Variants in DGKE observed in about 807,000 individuals in gnomAD.
DGKE encodes diacylglycerol kinase epsilon, also known as DAG kinase epsilon.
Under a neutral mutation model 70.0 loss-of-function variants are expected in DGKE, and 53 were observed. The ratio of observed to expected loss-of-function variants is 0.76; its 90% CI spans 0.61 to 0.95. The LOEUF is 0.95. Among genes scored for constraint, DGKE ranks in the 40% least tolerant of loss-of-function variants. DGKE has a pLI of 0.00. For missense variants in DGKE, 655 were observed against 706.9 expected (o/e 0.93, Z 0.83); for synonymous variants, 291 against 257.0 (o/e 1.13, Z -1.27).
rs557770879 is a variant in DGKE at position 56,848,077 on chromosome 17, T to C, written c.888+12T>C. The C allele has an allele frequency of 1.5e-5, 22 of 1,495,052 alleles. No individual in the cohort carries two copies. In the African/African-American group the frequency reaches 3.0e-4, roughly 20 times the overall value. The allele number at this position is 1,495,052 out of a possible 1,614,324, so 92.6% of individuals were successfully genotyped here. A position where few individuals can be genotyped will look rare whatever the true frequency, so the allele number is the denominator to read the frequency against. On this transcript the variant is annotated intron_variant, in intron 5 of 11. Coordinates refer to ENST00000284061, the MANE Select transcript of DGKE (RefSeq NM_003647.3). Reference sequence around the variant, plus strand: ...ACATGAAGATTAAGGTATTAGTCTTTAAGAACTACTACAGAAGGACTTCTA... The same window carrying C: ...ACATGAAGATTAAGGTATTAGTCTTCAAGAACTACTACAGAAGGACTTCTA...
At chr17:56,843,701 G>A (rs926474889) in intron 2 of DGKE, among the ~76,000 whole-genome samples, 1 of 149,070 alleles carries the variant, frequency 6.7e-6, no homozygotes, top group African/African-American at 2.5e-5. Flanking sequence ...TGGGAGACTA[G>A]GCAGAAGAAT....
At chr17:56,841,326 A>G (rs935111734) in intron 2 of DGKE, among the ~76,000 whole-genome samples, 1 of 152,134 alleles carries the variant, frequency 6.6e-6, no homozygotes, top group Non-Finnish European at 1.5e-5. Flanking sequence ...ATCTGTATAT[A>G]TATTTTTAAA....
chr17:56,836,535 T>C (rs771523034), intron 2 of DGKE: 1 of 152,250 alleles, frequency 6.6e-6, no homozygotes, highest in South Asian at 2.1e-4. Flanking sequence ...TGCAGAATTA[T>C]ATTAAAAATG....
chr17:56,856,423 AAG>A, intron 7 of DGKE, 87 bp from the exon 8 acceptor site: 1 of 1,397,904 alleles, frequency 7.2e-7, no homozygotes. Flanking sequence ...CCATTGTCAA[AAG>A]AACACAAAGA....
chr17:56,847,362 T>A (rs1419046088), intron 4 of DGKE: 3 of 135,240 alleles, frequency 2.2e-5, no homozygotes, highest in Non-Finnish European at 3.1e-5. Context: ...TGAGACAGAG[T>A]CTTGCTTTGT....
chr17:56,838,732 G>A (rs1434590114), intron 2 of DGKE: 1 of 151,754 alleles, frequency 6.6e-6, no homozygotes, highest in Non-Finnish European at 1.5e-5. Context: ...AAATTCATGA[G>A]GCATTCCATA....
intron 9 of DGKE, among the ~76,000 whole-genome samples, chr17:56,859,993 G>A (rs1480284160): frequency 1.3e-5 from 2 of 152,174 alleles, no homozygotes; most frequent in Non-Finnish European, 1.5e-5. Context: ...GTTAAAAAGA[G>A]TGTTATGTTA....
chr17:56,854,403 G>T (rs1907826110), intron 7 of DGKE, among the ~76,000 whole-genome samples: 1 of 151,838 alleles, frequency 6.6e-6, no homozygotes. Context: ...AGACCTCTAG[G>T]GCTCAAGTGA....
chr17:56,840,278 T>C (rs9905199), intron 2 of DGKE, among the ~76,000 whole-genome samples: 110,198 of 152,166 alleles, frequency 0.72, 40,152 homozygotes, highest in East Asian at 0.91. Context: ...TGAATCGTGT[T>C]AGGACAAGTG....
At position 56,863,801 on chromosome 17, in the gene DGKE, T is replaced by G. The variant is rs193057611; in HGVS notation, c.*1010T>G. Reference sequence around the variant, plus strand: ...CATATTTATTTTAAAATGAGAGAGATATATTTTTAAATTATTTATTATTTA... The same window carrying G: ...CATATTTATTTTAAAATGAGAGAGAGATATTTTTAAATTATTTATTATTTA... On this transcript the variant is annotated 3_prime_UTR_variant, in exon 12 of 12. Transcript: ENST00000284061. The G allele has an allele frequency of 2.6e-5, 4 of 152,212 alleles. No individual in the cohort carries two copies. The highest frequency in any genetic ancestry group is 4.8e-5 in the African/African-American group (2 of 41,470). 9.4% of individuals were successfully genotyped at this position (152,212 alleles called of 1,614,324 possible).
chr17:56,854,914 G>A (rs1300856183), intron 7 of DGKE, among the ~76,000 whole-genome samples: 1 of 152,160 alleles, frequency 6.6e-6, no homozygotes, highest in Non-Finnish European at 1.5e-5. Context: ...AGTAGGGTCT[G>A]CTTACCTCTA....
rs1242360342 is a variant in DGKE at position 56,835,100 on chromosome 17, C to T, written c.305C>T (p.Ala102Val). ...LRVDEGCLRK[A>V]DKRFQCKEIM... Reference sequence around the variant, plus strand: ...GTGGACGAGGGCTGCCTCAGGAAGGCCGACAAGCGCTTCCAGTGCAAGGAG... The same window carrying T: ...GTGGACGAGGGCTGCCTCAGGAAGGTCGACAAGCGCTTCCAGTGCAAGGAG... Residue 102 changes from alanine (A) to valine (V), a missense_variant, in exon 2 of 12, where the codon GCC becomes GTC. Ala to Val is a moderately conservative substitution (Grantham distance 64, BLOSUM62 0). Coordinates refer to ENST00000284061, the MANE Select transcript of DGKE (RefSeq NM_003647.3). 9.3e-6 allele frequency: 15 copies of T among 1,613,662 alleles called. No homozygotes were observed. Among genetic ancestry groups the T allele is most frequent in the Non-Finnish European group, 1.3e-5 (15 of 1,180,044 alleles).
intron 8 of DGKE, 95 bp from the exon 9 acceptor site, chr17:56,858,499 A>G (rs1363574307): frequency 1.6e-5 from 16 of 1,029,186 alleles, no homozygotes; most frequent in South Asian, 1.3e-4. Flanking sequence ...GTGTGCTTCA[A>G]CATTCTTAAA....
intron 9 of DGKE, among the ~76,000 whole-genome samples, chr17:56,859,162 CA>C (rs138393124): frequency 0.39 from 55,496 of 140,778 alleles, 12,117 homozygotes; most frequent in East Asian, 0.8. Flanking sequence ...TGTATAAATA[CA>C]AAAAAAAAAA....
intron 7 of DGKE, among the ~76,000 whole-genome samples, chr17:56,852,604 AT>A (rs66464119): frequency 0.22 from 33,246 of 149,214 alleles, 4,143 homozygotes; most frequent in Non-Finnish European, 0.3. Flanking sequence ...GCTTTGATTT[AT>A]TTTAAAAAAA....
intron 7 of DGKE, among the ~76,000 whole-genome samples, chr17:56,855,214 A>G (rs906831355): frequency 1.3e-5 from 2 of 151,826 alleles, no homozygotes; most frequent in Admixed American, 1.3e-4. Context: ...AAGAACAACT[A>G]GGATTGAAAA....
At chr17:56,858,351 C>T (rs1386502386) in intron 8 of DGKE, among the ~76,000 whole-genome samples, 3 of 152,166 alleles carry the variant, frequency 2.0e-5, no homozygotes, top group Non-Finnish European at 4.4e-5. Flanking sequence ...ATTTCCATTG[C>T]TGCTCCTAGT....
intron 2 of DGKE, 52 bp from the exon 3 acceptor site, chr17:56,843,967 C>T: frequency 6.8e-7 from 1 of 1,469,144 alleles, no homozygotes; most frequent in Non-Finnish European, 9.1e-7. Context: ...TGTGGGTTAT[C>T]ATTGAGATTA....
Position 56,834,904 on chromosome 17 carries a change from A to C in DGKE, c.109A>C (p.Thr37Pro). Reference sequence around the variant, plus strand: ...CTCGGTCCTGCTGCCGGTGTTCATCACCTTCTGGTGTAGCCTCCAGCGGTC... The same window carrying C: ...CTCGGTCCTGCTGCCGGTGTTCATCCCCTTCTGGTGTAGCCTCCAGCGGTC... ...LCSVLLPVFI[T>P]FWCSLQRSRR... is the part of the protein sequence containing the mutation. The change falls in exon 2 of 12, where the codon ACC (threonine) becomes CCC (proline). Residue 37 changes from threonine to proline, a missense_variant. Thr to Pro is a conservative substitution (Grantham distance 38). Coordinates refer to ENST00000284061, the MANE Select transcript of DGKE (RefSeq NM_003647.3). 1.2e-6 allele frequency: 2 copies of C among 1,613,596 alleles called. No individual in the cohort carries two copies. Among genetic ancestry groups the C allele is most frequent in the Non-Finnish European group, 1.7e-6 (2 of 1,179,926 alleles).
Sources: allele counts gnomAD v4.1 joint callset (sites outside exome capture counted in the v4.1 genomes callset), GRCh38; gene constraint gnomAD v4.1.1; transcripts MANE v1.5; gene names NCBI Gene and HGNC (gene_info 2026-07-23, HGNC 2026-07-21).